RAPGEF1: variants seen among roughly 807,000 people sequenced by gnomAD.
RAPGEF1 encodes Rap guanine nucleotide exchange factor 1.
In RAPGEF1, 33 loss-of-function variants were observed where a neutral mutation model predicts 143.3. The observed-to-expected ratio is 0.23, with a 90% CI of 0.17 to 0.31. RAPGEF1 has a LOEUF of 0.31. RAPGEF1 is among the 10% of genes least tolerant of loss of function. The probability of loss-of-function intolerance (pLI) is 1.00; values close to 1 mark genes in which losing one functional copy is unlikely to be tolerated. For synonymous variants in RAPGEF1, 629 were observed against 676.5 expected (o/e 0.93, Z 1.09); for missense variants, 1,199 against 1,645.4 (o/e 0.73, Z 4.69).
Position 131,583,535 on chromosome 9 carries a change from T to A in RAPGEF1, c.3414+776A>T, listed in dbSNP as rs1952212730. ...TCTGGGTGGTCTGGTCACACTCAGG[T>A]CCCTGACACAATCCCTGGGTGGCCT... On this transcript the variant is annotated intron_variant, in intron 24 of 26. Transcript: ENST00000683357. This position sits in a 1 kb window ranked among gnomAD's most constrained non-coding sequence, Gnocchi z 4.7. Among the ~76,000 whole-genome samples, 2 of 151,388 alleles carry A rather than the reference T, an allele frequency of 1.3e-5. No individual in the cohort carries two copies. Among genetic ancestry groups the A allele is most frequent in the Admixed American group, 1.3e-4 (2 of 15,220 alleles).
chr9:131,729,504 T>A (rs1023799008), intron 1 of RAPGEF1, among the ~76,000 whole-genome samples: 1 of 152,246 alleles, frequency 6.6e-6, no homozygotes, highest in African/African-American at 2.4e-5. Context: ...GGCTTCTTCA[T>A]AAATCTGTAG....
chr9:131,660,440 C>CTT (rs11390314), intron 1 of RAPGEF1, among the ~76,000 whole-genome samples: 43,772 of 148,802 alleles, frequency 0.29, 6,369 homozygotes, highest in South Asian at 0.36. Flanking sequence ...TATTTTTTCA[C>CTT]TTTTTTTTTT....
At chr9:131,737,889 CAGG>C (rs10568236) in intron 1 of RAPGEF1, among the ~76,000 whole-genome samples, 135,590 of 151,124 alleles carry the variant, frequency 0.9, 60,981 homozygotes, top group African/African-American at 0.95. Context: ...GGCGTGAACC[CAGG>C]AGGAGGCGGA....
chr9:131,680,940 C>T (rs1405884082), intron 1 of RAPGEF1, among the ~76,000 whole-genome samples: 1 of 152,090 alleles, frequency 6.6e-6, no homozygotes, highest in Non-Finnish European at 1.5e-5. Flanking sequence ...AGAGTGATGG[C>T]TGGAGAATGC....
intron 1 of RAPGEF1, among the ~76,000 whole-genome samples, chr9:131,712,568 G>C (rs1460927079): frequency 6.6e-6 from 1 of 152,192 alleles, no homozygotes. Flanking sequence ...GTCAGGAGCC[G>C]TGTCTGGGGC....
At chr9:131,597,783 C>T (rs1955555256) in intron 16 of RAPGEF1, among the ~76,000 whole-genome samples, 2 of 152,044 alleles carry the variant, frequency 1.3e-5, no homozygotes, top group South Asian at 4.1e-4. Context: ...AACGCCTGGA[C>T]TCAAGCCATT....
chr9:131,700,098 A>C (rs1834517488), intron 1 of RAPGEF1, among the ~76,000 whole-genome samples: 1 of 152,108 alleles, frequency 6.6e-6, no homozygotes, highest in Non-Finnish European at 1.5e-5. Flanking sequence ...GGAGAAAACC[A>C]CTGGGGTCGT....
intron 18 of RAPGEF1, among the ~76,000 whole-genome samples, chr9:131,591,563 G>A (rs952413282): frequency 3.9e-5 from 6 of 152,206 alleles, no homozygotes; most frequent in African/African-American, 1.4e-4. Context: ...GGCCCATGGG[G>A]TAGATCTGGG....
rs1260195375 is a variant in RAPGEF1 at position 131,584,762 on chromosome 9, C to T, written c.3234-166G>A. Among the ~76,000 whole-genome samples, 1 of 152,200 alleles carries T rather than the reference C, an allele frequency of 6.6e-6. No individual in the cohort carries two copies. Among genetic ancestry groups the T allele is most frequent in the Non-Finnish European group, 1.5e-5 (1 of 68,028 alleles). Reference sequence around the variant, plus strand: ...AGGCATAGATCTAGTTTCTGCTCTCCAGGAGCTCATAACATCCTGGGACAG... The same window carrying T: ...AGGCATAGATCTAGTTTCTGCTCTCTAGGAGCTCATAACATCCTGGGACAG... On this transcript the variant is annotated intron_variant, in intron 22 of 26. Transcript: ENST00000683357. The surrounding 1 kb of genome is among the most constrained non-coding windows in gnomAD (Gnocchi z 6.8).
At chr9:131,580,227 A>G in intron 26 of RAPGEF1, 36 bp downstream of exon 26, 1 of 1,609,338 alleles carries the variant, frequency 6.2e-7, no homozygotes, top group Non-Finnish European at 8.5e-7. Flanking sequence ...CCCGGGGCTC[A>G]GCTCTGCCTG....
intron 1 of RAPGEF1, among the ~76,000 whole-genome samples, chr9:131,680,510 G>C (rs1483849466): frequency 6.6e-6 from 1 of 152,168 alleles, no homozygotes; most frequent in African/African-American, 2.4e-5. Flanking sequence ...CGGGAATGAG[G>C]GCAAGGAACA....
chr9:131,682,917 C>T (rs1289605531), intron 1 of RAPGEF1, among the ~76,000 whole-genome samples: 6 of 152,112 alleles, frequency 3.9e-5, no homozygotes. Context: ...TTGGTAAAGC[C>T]GCTGAAATAT....
intron 5 of RAPGEF1, among the ~76,000 whole-genome samples, chr9:131,632,903 C>T (rs1010916409): frequency 1.3e-5 from 2 of 152,062 alleles, no homozygotes; most frequent in Non-Finnish European, 2.9e-5. Flanking sequence ...AGCAACCCCG[C>T]CCTCCAAAAT....
intron 9 of RAPGEF1, among the ~76,000 whole-genome samples, chr9:131,626,740 T>C (rs1295924637): frequency 6.6e-6 from 1 of 152,244 alleles, no homozygotes; most frequent in Non-Finnish European, 1.5e-5. Flanking sequence ...AATCTAACTG[T>C]ACTTTCTATT....
At chr9:131,643,154 A>T (rs542163067) in intron 4 of RAPGEF1, 85 bp downstream of exon 4, 3 of 1,437,884 alleles carry the variant, frequency 2.1e-6, no homozygotes, top group East Asian at 4.9e-5. Flanking sequence ...GTTCCTAGGA[A>T]CCTTGAGTTT....
At chr9:131,702,983 CACTG>C (rs1834774221) in intron 1 of RAPGEF1, among the ~76,000 whole-genome samples, 1 of 152,128 alleles carries the variant, frequency 6.6e-6, no homozygotes, top group South Asian at 2.1e-4. Flanking sequence ...AGAATAATGG[CACTG>C]ACTAACACTT....
Position 131,584,300 on chromosome 9 carries a change from A to G in RAPGEF1, c.3414+11T>C. 1.2e-6 allele frequency: 2 copies of G among 1,605,070 alleles called. No homozygotes were observed. The highest frequency in any genetic ancestry group is 1.3e-5 in the African/African-American group (1 of 74,862). The stretch of plus-strand genomic sequence containing the variant: ...CAGCCACCCTCCCGCCCACGCCCCA[A>G]GGCCACTCACCTCTGAAGTCTGCTT... On this transcript the variant is annotated intron_variant, in intron 24 of 26. Transcript: ENST00000683357. This position sits in a 1 kb window ranked among gnomAD's most constrained non-coding sequence, Gnocchi z 6.8.
chr9:131,662,452 T>C (rs76026078), intron 1 of RAPGEF1, among the ~76,000 whole-genome samples: 5,438 of 152,216 alleles, frequency 0.036, 212 homozygotes, highest in East Asian at 0.089. Context: ...GTGATCCCAG[T>C]TCACTGTAGC....
intron 12 of RAPGEF1, among the ~76,000 whole-genome samples, chr9:131,609,085 A>G (rs1957587305): frequency 1.3e-5 from 2 of 152,130 alleles, no homozygotes; most frequent in South Asian, 2.1e-4. Context: ...AGACTTGCAA[A>G]CTTCTGCACA....
Sources: allele counts gnomAD v4.1 joint callset (sites outside exome capture counted in the v4.1 genomes callset), GRCh38; gene constraint gnomAD v4.1.1; non-coding constraint Gnocchi (gnomAD v3.1); transcripts MANE v1.5; gene names NCBI Gene and HGNC (gene_info 2026-07-23, HGNC 2026-07-21).